Variants in PTPRT observed in about 807,000 individuals in gnomAD.
PTPRT encodes protein tyrosine phosphatase receptor type T, also known as receptor-type tyrosine-protein phosphatase T.
In PTPRT, 56 loss-of-function variants were observed where a neutral mutation model predicts 176.8. The ratio of observed to expected loss-of-function variants is 0.32; its 90% CI spans 0.26 to 0.40. The LOEUF (loss-of-function observed/expected upper bound fraction) is 0.40, where lower values mean the gene tolerates loss of function less well. PTPRT is among the 10% of genes least tolerant of loss of function. The pLI is 1.00. For missense variants in PTPRT, 1,540 were observed against 1,908.2 expected, an observed-to-expected ratio of 0.81 and a Z score of 3.60; for synonymous variants, 783 against 739.0, an observed-to-expected ratio of 1.06 and a Z score of -0.96.
Position 42,161,514 on chromosome 20 carries a change from C to T in PTPRT, c.2520G>A (p.Gln840=). 1 of 1,611,954 alleles carries T rather than the reference C, an allele frequency of 6.2e-7. No individual in the cohort carries two copies. Among genetic ancestry groups the T allele is most frequent in the Non-Finnish European group, 8.5e-7 (1 of 1,178,904 alleles). Residue 840 remains glutamine (Q), a synonymous_variant, in exon 17 of 31, where the codon CAG becomes CAA. Coordinates refer to ENST00000373187, the MANE Select transcript of PTPRT (RefSeq NM_007050.6). ...GATGAGTCTGGATCGTGAGGGTGGG[C>T]TGGGAAAGCTCCCCGCGGCTGCCAT... ...FTDGSRGELS[Q]PTLTIQTHPY... is the part of the protein sequence containing the mutation.
chr20:42,311,242 A>G (rs139231980), intron 12 of PTPRT, among the ~76,000 whole-genome samples: 10 of 152,246 alleles, frequency 6.6e-5, no homozygotes, highest in African/African-American at 2.2e-4. Context: ...GACATATTGC[A>G]TGTGCTTGAC....
chr20:42,269,678 C>A (rs7274743), intron 13 of PTPRT, among the ~76,000 whole-genome samples: 3,092 of 152,280 alleles, frequency 0.02, 118 homozygotes, highest in African/African-American at 0.071. Context: ...CTGGACTGGG[C>A]GTACCCATGG....
At chr20:42,126,012 C>T (rs564302654) in intron 19 of PTPRT, among the ~76,000 whole-genome samples, 4 of 34,280 alleles carry the variant, frequency 1.2e-4, no homozygotes, top group Admixed American at 3.9e-4. Context: ...GGCTACAAGG[C>T]GGTGTCTGGG....
At chr20:42,584,068 C>T (rs780987731) in intron 7 of PTPRT, among the ~76,000 whole-genome samples, 2 of 152,192 alleles carry the variant, frequency 1.3e-5, no homozygotes, top group Non-Finnish European at 2.9e-5. Flanking sequence ...GTGAAACCAT[C>T]TTGAACTCTG....
intron 5 of PTPRT, 59 bp from the exon 6 acceptor site, chr20:42,756,695 A>C: frequency 1.4e-6 from 2 of 1,385,604 alleles, no homozygotes; most frequent in Non-Finnish European, 1.9e-6. Flanking sequence ...CTTCTAGGTG[A>C]CTCCCAACAC....
intron 2 of PTPRT, among the ~76,000 whole-genome samples, chr20:42,809,512 C>T (rs1012006261): frequency 1.3e-5 from 2 of 152,144 alleles, no homozygotes; most frequent in African/African-American, 2.4e-5. Flanking sequence ...CTAGGGCTGC[C>T]GGAACAAATT....
chr20:42,588,448 A>G (rs6093680), intron 7 of PTPRT, among the ~76,000 whole-genome samples: 15,791 of 148,038 alleles, frequency 0.11, 2,765 homozygotes, highest in African/African-American at 0.37. Context: ...ACTGTCCCCA[A>G]AAAAAAAGCA....
At chr20:42,622,589 T>C (rs1457483873) in intron 7 of PTPRT, among the ~76,000 whole-genome samples, 1 of 152,108 alleles carries the variant, frequency 6.6e-6, no homozygotes. Flanking sequence ...CTTCCCACAA[T>C]CCACTCAGCT....
intron 1 of PTPRT, among the ~76,000 whole-genome samples, chr20:43,125,147 C>T (rs1465263778): frequency 6.8e-6 from 1 of 147,546 alleles, no homozygotes; most frequent in Non-Finnish European, 1.5e-5. Flanking sequence ...AGGCATGTGC[C>T]GCCACACCTA....
intron 1 of PTPRT, among the ~76,000 whole-genome samples, chr20:43,163,147 C>A (rs2014745912): frequency 6.6e-6 from 1 of 152,208 alleles, no homozygotes; most frequent in East Asian, 1.9e-4. Flanking sequence ...TGCCCTGAAA[C>A]AATCAGCATC....
At chr20:42,252,736 A>G (rs964473037) in intron 13 of PTPRT, among the ~76,000 whole-genome samples, 6 of 152,230 alleles carry the variant, frequency 3.9e-5, no homozygotes, top group African/African-American at 1.4e-4. Context: ...CCATAAACCT[A>G]CAAAAGAACA....
intron 2 of PTPRT, among the ~76,000 whole-genome samples, chr20:42,882,321 A>C (rs1264186200): frequency 1.3e-5 from 2 of 152,220 alleles, no homozygotes; most frequent in African/African-American, 2.4e-5. Context: ...ATCATTATCA[A>C]ATGCCTCTAT....
intron 12 of PTPRT, among the ~76,000 whole-genome samples, chr20:42,293,825 G>C (rs2057350929): frequency 6.6e-6 from 1 of 152,146 alleles, no homozygotes; most frequent in Non-Finnish European, 1.5e-5. Context: ...CAACCTAGGA[G>C]TCATTATTGA....
intron 7 of PTPRT, among the ~76,000 whole-genome samples, chr20:42,610,907 A>G (rs1402453162): frequency 6.8e-6 from 1 of 147,932 alleles, no homozygotes; most frequent in African/African-American, 2.6e-5. Flanking sequence ...AGACTTACCT[A>G]TTCTGAACAT....
At chr20:43,107,332 T>A (rs1414807399) in intron 1 of PTPRT, among the ~76,000 whole-genome samples, 1 of 152,138 alleles carries the variant, frequency 6.6e-6, no homozygotes, top group Non-Finnish European at 1.5e-5. Flanking sequence ...TTAGAAAAGT[T>A]TGCTGAAAGA....
rs1569077282 is a variant in PTPRT at position 42,678,004 on chromosome 20, T to G, written c.1015A>C (p.Ile339Leu). 2 of 1,614,196 alleles carry G rather than the reference T, an allele frequency of 1.2e-6. No homozygotes were observed. Among genetic ancestry groups the G allele is most frequent in the Non-Finnish European group, 1.7e-6 (2 of 1,180,042 alleles). ...TTTGTWAETH[I>L]VDSPNYKLWH... ...AGCTTATAGTTGGGAGAGTCGACTA[T>G]GTGGGTCTCTGCCCACGTGCCTGTG... The change falls in exon 7 of 31, where the codon ATA becomes CTA. Residue 339 changes from isoleucine (I) to leucine (L), a missense_variant. Transcript: ENST00000373187.
intron 1 of PTPRT, among the ~76,000 whole-genome samples, chr20:42,990,402 C>G (rs905214916): frequency 1.8e-4 from 28 of 152,012 alleles, no homozygotes; most frequent in African/African-American, 6.5e-4. Context: ...ATAATAAAAT[C>G]ATCTGGTGCA....
intron 1 of PTPRT, among the ~76,000 whole-genome samples, chr20:42,914,616 G>A (rs892261145): frequency 6.6e-6 from 1 of 152,186 alleles, no homozygotes; most frequent in Non-Finnish European, 1.5e-5. Flanking sequence ...CTATTTATCT[G>A]ACATCCTGGA....
chr20:42,229,613 C>T (rs1315953178), intron 15 of PTPRT, among the ~76,000 whole-genome samples: 1 of 152,148 alleles, frequency 6.6e-6, no homozygotes, highest in Non-Finnish European at 1.5e-5. Flanking sequence ...GGAGCAGTCT[C>T]TTATTTTGGT....
Sources: gnomAD v4.1 joint callset for allele counts (sites outside exome capture counted in the v4.1 genomes callset) on GRCh38, gnomAD v4.1.1 for gene constraint, MANE v1.5 for transcripts, NCBI Gene and HGNC (gene_info 2026-07-23, HGNC 2026-07-21) for gene names.